Variants in PCDHGA7 observed in about 807,000 individuals in gnomAD.
PCDHGA7 encodes the protein protocadherin gamma subfamily A, 7.
PCDHGA7 carries 44 observed loss-of-function variants against 58.3 expected under a neutral mutation model. That is an observed-to-expected ratio of 0.75 (90% confidence interval 0.59 to 0.97). The LOEUF (loss-of-function observed/expected upper bound fraction) is 0.97, where lower values mean the gene tolerates loss of function less well. PCDHGA7 is among the 50% of genes least tolerant of loss of function. The probability of loss-of-function intolerance (pLI) is 0.00; values close to 1 mark genes in which losing one functional copy is unlikely to be tolerated. For synonymous variants in PCDHGA7, 516 were observed against 504.2 expected, an observed-to-expected ratio of 1.02 and a Z score of -0.31; for missense variants, 1,266 against 1,188.7, an observed-to-expected ratio of 1.06 and a Z score of -0.96.
At chr5:141,394,688 G>A (rs770742323) in intron 1 of PCDHGA7, 3 of 1,611,882 alleles carry the variant, frequency 1.9e-6, no homozygotes, top group Middle Eastern at 1.7e-4. Flanking sequence ...ACACGGGCGA[G>A]GTGCGCACGG....
intron 1 of PCDHGA7, chr5:141,408,313 T>G (rs375849626): frequency 6.2e-7 from 1 of 1,613,758 alleles, no homozygotes; most frequent in African/African-American, 1.3e-5. Flanking sequence ...GCTACTCGAT[T>G]CCGGAGGAGC....
chr5:141,399,562 T>G (rs764432886), intron 1 of PCDHGA7: 1 of 1,613,898 alleles, frequency 6.2e-7, no homozygotes, highest in East Asian at 2.2e-5. Flanking sequence ...GGACTTGGGG[T>G]TGAACGGCCA....
intron 1 of PCDHGA7, among the ~76,000 whole-genome samples, chr5:141,456,911 C>T (rs1262649726): frequency 2.0e-5 from 3 of 151,928 alleles, no homozygotes; most frequent in Non-Finnish European, 4.4e-5. Flanking sequence ...TGCAGTGAGC[C>T]GAGATCGCAC....
intron 1 of PCDHGA7, chr5:141,421,487 C>A (rs1447180364): frequency 6.2e-7 from 1 of 1,613,976 alleles, no homozygotes; most frequent in East Asian, 2.2e-5. Context: ...AGCTTGATCA[C>A]GGCAGGCAGG....
At chr5:141,401,214 C>T (rs894124786) in intron 1 of PCDHGA7, among the ~76,000 whole-genome samples, 4 of 151,920 alleles carry the variant, frequency 2.6e-5, no homozygotes, top group Non-Finnish European at 4.4e-5. Context: ...TGGTGGCGGG[C>T]GCCTGTAATC....
intron 1 of PCDHGA7, chr5:141,426,609 G>A (rs1026143678): frequency 5.2e-6 from 2 of 382,862 alleles, no homozygotes; most frequent in African/African-American, 4.2e-5. Flanking sequence ...AGAGATTGTA[G>A]CAGAGAATCC....
chr5:141,393,072 G>A (rs2092669892), intron 1 of PCDHGA7: 1 of 1,613,680 alleles, frequency 6.2e-7, no homozygotes. Flanking sequence ...CTTGATCACC[G>A]CGGGCAGGAT....
Position 141,490,942 on chromosome 5 carries a change from C to T in PCDHGA7, c.2425-3865C>T, listed in dbSNP as rs371286343. On this transcript the variant is annotated intron_variant, in intron 1 of 3. Coordinates refer to ENST00000518325, the MANE Select transcript of PCDHGA7 (RefSeq NM_018920.4). This position sits in a 1 kb window ranked among gnomAD's most constrained non-coding sequence, Gnocchi z 5.4. ...TAATGCCCCAGCTGTGCTGCACCCA[C>T]GGCCAGACTGGGAACACTCAGCCCC... 8.7e-5 allele frequency: 141 copies of T among 1,613,526 alleles called. No individual in the cohort carries two copies. Among genetic ancestry groups the T allele is most frequent in the Non-Finnish European group, 1.1e-4 (126 of 1,179,768 alleles).
chr5:141,433,406 T>TC (rs397794347), intron 1 of PCDHGA7, among the ~76,000 whole-genome samples: 446 of 150,100 alleles, frequency 3.0e-3, no homozygotes, highest in African/African-American at 0.01. Context: ...TATCTATCTA[T>TC]TACTTTCTTG....
chr5:141,485,726 C>G lies in PCDHGA7; in HGVS notation c.2425-9081C>G. On this transcript the variant is annotated intron_variant, in intron 1 of 3. Transcript: ENST00000518325. The surrounding 1 kb of genome is among the most constrained non-coding windows in gnomAD (Gnocchi z 5.7). ...ACACTTTGCACTGGATGTGAAGAAG[C>G]GCAGCGACGGCAGCCTGGTCCCAGA... 2 of 1,614,140 alleles carry G rather than the reference C, an allele frequency of 1.2e-6. No individual in the cohort carries two copies. The highest frequency in any genetic ancestry group is 1.1e-5 in the South Asian group (1 of 91,082).
intron 1 of PCDHGA7, chr5:141,411,163 C>T (rs1001422146): frequency 6.6e-6 from 1 of 152,132 alleles, no homozygotes; most frequent in African/African-American, 2.4e-5. Context: ...TTCTGACTAT[C>T]GAACAGAAGC....
At position 141,387,650 on chromosome 5, in the gene PCDHGA7, G is replaced by C. The variant is rs116225244; in HGVS notation, c.2424+2327G>C. 2,320 of 639,876 alleles carry C rather than the reference G, an allele frequency of 3.6e-3. 38 individuals are homozygous for C. The highest frequency in any genetic ancestry group is 0.034 in the African/African-American group (1,854 of 54,556). 39.6% of individuals were successfully genotyped at this position (639,876 alleles called of 1,614,324 possible). A position where few individuals can be genotyped will look rare whatever the true frequency, so the allele number is the denominator to read the frequency against. Reference sequence around the variant, plus strand: ...CTGGGCGCCGCTGTTGGCCAAAGTGGAGAGCTTGGCGCTCCAGATCTCCTC... The same window carrying C: ...CTGGGCGCCGCTGTTGGCCAAAGTGCAGAGCTTGGCGCTCCAGATCTCCTC... On this transcript the variant is annotated intron_variant, in intron 1 of 3. Coordinates refer to ENST00000518325, the MANE Select transcript of PCDHGA7 (RefSeq NM_018920.4).
At chr5:141,404,560 C>G in intron 1 of PCDHGA7, 1 of 1,613,578 alleles carries the variant, frequency 6.2e-7, no homozygotes, top group South Asian at 1.1e-5. Context: ...CGGCAAGTGA[C>G]AGTGGAAGCC....
At chr5:141,392,357 C>T (rs980934647) in intron 1 of PCDHGA7, 1 of 152,638 alleles carries the variant, frequency 6.6e-6, no homozygotes, top group Admixed American at 6.5e-5. Flanking sequence ...TAATCCGATG[C>T]TACAATCTGA....
At chr5:141,418,800 G>A in intron 1 of PCDHGA7, 1 of 1,613,800 alleles carries the variant, frequency 6.2e-7, no homozygotes, top group African/African-American at 1.3e-5. Context: ...GAAGTAGAAA[G>A]ATATACGATA....
At chr5:141,482,457 C>T (rs1279922250) in intron 1 of PCDHGA7, among the ~76,000 whole-genome samples, 3 of 147,484 alleles carry the variant, frequency 2.0e-5, no homozygotes, top group Non-Finnish European at 3.0e-5. Context: ...TATTAGCATC[C>T]CTATGTGCCA....
chr5:141,505,246 G>GAAGT, intron 2 of PCDHGA7, 147 bp from the exon 3 acceptor site: 3 of 1,436,674 alleles, frequency 2.1e-6, no homozygotes, highest in Non-Finnish European at 2.8e-6. Context: ...AAGGATTGTA[G>GAAGT]AAGTGCCTCC....
intron 1 of PCDHGA7, among the ~76,000 whole-genome samples, chr5:141,480,151 C>T (rs543997143): frequency 1.3e-5 from 2 of 152,162 alleles, no homozygotes; most frequent in African/African-American, 4.8e-5. Context: ...TTAGCCAGCT[C>T]CTAGCATTTT....
chr5:141,450,615 T>C (rs2098687601), intron 1 of PCDHGA7, among the ~76,000 whole-genome samples: 1 of 151,340 alleles, frequency 6.6e-6, no homozygotes, highest in African/African-American at 2.4e-5. Flanking sequence ...GCCTCCTGAG[T>C]AGCTGGGATT....
Sources: gnomAD v4.1 joint callset for allele counts (sites outside exome capture counted in the v4.1 genomes callset) on GRCh38, gnomAD v4.1.1 for gene constraint, Gnocchi (gnomAD v3.1) non-coding constraint, MANE v1.5 for transcripts, NCBI Gene and HGNC (gene_info 2026-07-23, HGNC 2026-07-21) for gene names.